FAM13A: variants seen among roughly 807,000 people sequenced by gnomAD.
The protein encoded by FAM13A is family with sequence similarity 13 member A.
FAM13A carries 76 observed loss-of-function variants against 129.6 expected under a neutral mutation model. That is an observed-to-expected ratio of 0.59 (90% CI 0.49 to 0.71). The LOEUF is 0.71. FAM13A is among the 30% of genes least tolerant of loss of function. FAM13A has a pLI of 0.00. For missense variants in FAM13A, 1,108 were observed against 1,249.3 expected (o/e 0.89, Z 1.70); for synonymous variants, 443 against 449.9 (o/e 0.98, Z 0.20).
chr4:88,735,329 C>T (rs1738762964), intron 21 of FAM13A, among the ~76,000 whole-genome samples: 3 of 152,090 alleles, frequency 2.0e-5, no homozygotes, highest in Non-Finnish European at 4.4e-5. Context: ...ATGTAATTAA[C>T]AAATAATTAT....
At chr4:88,895,155 T>C (rs1300533773) in intron 6 of FAM13A, among the ~76,000 whole-genome samples, 3 of 152,128 alleles carry the variant, frequency 2.0e-5, no homozygotes, top group Non-Finnish European at 2.9e-5. Context: ...GTTATCATCA[T>C]CACCACTATT....
At chr4:88,954,286 C>T (rs1579471369) in intron 4 of FAM13A, among the ~76,000 whole-genome samples, 1 of 152,232 alleles carries the variant, frequency 6.6e-6, no homozygotes, top group South Asian at 2.1e-4. Context: ...CACAATCTTA[C>T]TCTGCTCTTT....
chr4:88,864,413 T>A (rs1194725684), intron 6 of FAM13A, among the ~76,000 whole-genome samples: 2 of 152,212 alleles, frequency 1.3e-5, no homozygotes, highest in Non-Finnish European at 2.9e-5. Context: ...TGATCTTATT[T>A]ATTTATTTAT....
intron 1 of FAM13A, among the ~76,000 whole-genome samples, chr4:89,035,866 C>T (rs1769323126): frequency 1.3e-5 from 2 of 152,184 alleles, no homozygotes; most frequent in East Asian, 3.9e-4. Flanking sequence ...GCCTGCAGAA[C>T]TGTGAGCCTT....
chr4:88,748,855 G>C, intron 17 of FAM13A, 97 bp downstream of exon 17: 1 of 863,012 alleles, frequency 1.2e-6, no homozygotes, highest in Non-Finnish European at 2.0e-6. Flanking sequence ...TTTAAGGACC[G>C]GGGAATGCCT....
chr4:89,040,549 G>T (rs967864296), intron 1 of FAM13A, among the ~76,000 whole-genome samples: 1 of 152,146 alleles, frequency 6.6e-6, no homozygotes, highest in African/African-American at 2.4e-5. Context: ...TACTAGCTTG[G>T]ATAAGGTTGG....
At chr4:88,942,204 G>A (rs893804909) in intron 4 of FAM13A, among the ~76,000 whole-genome samples, 2 of 152,116 alleles carry the variant, frequency 1.3e-5, no homozygotes, top group African/African-American at 4.8e-5. Flanking sequence ...TTTCTAAGAG[G>A]TGCACTTGAA....
At chr4:88,977,060 CTGT>C (rs1761015584) in intron 4 of FAM13A, among the ~76,000 whole-genome samples, 1 of 152,116 alleles carries the variant, frequency 6.6e-6, no homozygotes, top group Non-Finnish European at 1.5e-5. Context: ...GAACATATCC[CTGT>C]TGTTAAGAGA....
At chr4:88,978,136 G>A (rs1761152912) in intron 4 of FAM13A, among the ~76,000 whole-genome samples, 1 of 152,028 alleles carries the variant, frequency 6.6e-6, no homozygotes, top group South Asian at 2.1e-4. Context: ...AGAAATCCTT[G>A]TGCACCAGTT....
intron 1 of FAM13A, among the ~76,000 whole-genome samples, chr4:89,043,257 A>G (rs897150960): frequency 7.9e-5 from 12 of 152,348 alleles, no homozygotes; most frequent in East Asian, 1.9e-4. Flanking sequence ...AAGGTGGCAG[A>G]TATCAGGAAG....
intron 7 of FAM13A, among the ~76,000 whole-genome samples, chr4:88,837,281 C>T (rs1414124479): frequency 6.6e-6 from 1 of 151,744 alleles, no homozygotes; most frequent in African/African-American, 2.4e-5. Context: ...AAGTGTGAGC[C>T]ACTGCGCCTG....
At chr4:88,944,658 T>C (rs1008291416) in intron 4 of FAM13A, among the ~76,000 whole-genome samples, 1 of 152,120 alleles carries the variant, frequency 6.6e-6, no homozygotes. Context: ...TCCCAGCACT[T>C]TGGGAGGCCG....
At chr4:88,732,784 TAAG>T in intron 21 of FAM13A, among the ~76,000 whole-genome samples, 1 of 152,016 alleles carries the variant, frequency 6.6e-6, no homozygotes, top group East Asian at 1.9e-4. Flanking sequence ...ATGATTGAAA[TAAG>T]AAAACTCAAG....
At chr4:88,895,397 A>C (rs1746109852) in intron 6 of FAM13A, among the ~76,000 whole-genome samples, 2 of 151,974 alleles carry the variant, frequency 1.3e-5, no homozygotes, top group African/African-American at 4.8e-5. Flanking sequence ...AGCAATGGCA[A>C]CAAAAGACAA....
intron 4 of FAM13A, among the ~76,000 whole-genome samples, chr4:88,986,259 A>C (rs1296616268): frequency 6.6e-6 from 1 of 151,730 alleles, no homozygotes; most frequent in African/African-American, 2.4e-5. Flanking sequence ...TCAGCCTCTC[A>C]AGTAGCTGTG....
At chr4:88,885,879 A>T (rs1744319074) in intron 6 of FAM13A, among the ~76,000 whole-genome samples, 1 of 152,218 alleles carries the variant, frequency 6.6e-6, no homozygotes, top group South Asian at 2.1e-4. Flanking sequence ...TTCTCAAAAG[A>T]AGATATACAA....
At chr4:88,933,748 T>C (rs1753410668) in intron 5 of FAM13A, among the ~76,000 whole-genome samples, 1 of 152,186 alleles carries the variant, frequency 6.6e-6, no homozygotes, top group Non-Finnish European at 1.5e-5. Flanking sequence ...CCATTGTTTT[T>C]ACCTGGACTA....
chr4:88,891,514 CA>C, intron 6 of FAM13A, among the ~76,000 whole-genome samples: 1 of 152,214 alleles, frequency 6.6e-6, no homozygotes, highest in Non-Finnish European at 1.5e-5. Context: ...GCATGTAGAA[CA>C]AAACACACTT....
chr4:89,010,313 T>C (rs963208702), intron 3 of FAM13A, among the ~76,000 whole-genome samples: 2 of 152,220 alleles, frequency 1.3e-5, no homozygotes, highest in East Asian at 3.9e-4. Flanking sequence ...TTGTACCGAA[T>C]AAACTCTAAA....
Sources: gnomAD v4.1 joint callset for allele counts (sites outside exome capture counted in the v4.1 genomes callset) on GRCh38, gnomAD v4.1.1 for gene constraint, MANE v1.5 for transcripts, NCBI Gene and HGNC (gene_info 2026-07-23, HGNC 2026-07-21) for gene names.